The following MEI4 variants were observed in gnomAD, a reference collection of about 807,000 sequenced individuals.
MEI4 encodes meiotic double-stranded break formation protein 4.
MEI4 carries 27 observed loss-of-function variants against 31.4 expected under a neutral mutation model. That is an observed-to-expected ratio of 0.86 (90% CI 0.63 to 1.19). The LOEUF is 1.19. Among genes scored for constraint, MEI4 ranks in the 50% most tolerant of loss-of-function variants. The pLI, the probability that MEI4 is intolerant of heterozygous loss-of-function variation, is 0.00. For missense variants in MEI4, 329 were observed against 398.9 expected, an observed-to-expected ratio of 0.82 and a Z score of 1.49; for synonymous variants, 122 against 145.4, an observed-to-expected ratio of 0.84 and a Z score of 1.16.
intron 4 of MEI4, among the ~76,000 whole-genome samples, chr6:77,896,247 A>AT (rs1205083415): frequency 2.0e-5 from 3 of 152,106 alleles, no homozygotes; most frequent in Non-Finnish European, 4.4e-5. Flanking sequence ...TGTGGCATCT[A>AT]TTTTATCACC....
rs145051064 is a variant in MEI4, at chr6:77,779,891, A to G, written c.768+18226A>G. ...AGAAAATATCTGTGACTCTCTTAACATAACATAGGCATTTGAAATTATTGG... is the reference window on the plus strand; with the variant it reads ...AGAAAATATCTGTGACTCTCTTAACGTAACATAGGCATTTGAAATTATTGG... On this transcript the variant is annotated intron_variant, in intron 3 of 4. Transcript: ENST00000684080. Among the ~76,000 whole-genome samples the G allele has an allele frequency of 1.4e-3, 211 of 152,334 alleles. 1 individual carries two copies. The highest frequency in any genetic ancestry group is 4.5e-3 in the African/African-American group (186 of 41,576).
chr6:77,685,242 C>G (rs1167677008), intron 1 of MEI4, among the ~76,000 whole-genome samples: 1 of 149,944 alleles, frequency 6.7e-6, no homozygotes, highest in African/African-American at 2.4e-5. Flanking sequence ...CTTATATATT[C>G]TGGCTATCAA....
intron 1 of MEI4, among the ~76,000 whole-genome samples, chr6:77,682,968 A>G (rs937269722): frequency 6.6e-6 from 1 of 152,218 alleles, no homozygotes; most frequent in Non-Finnish European, 1.5e-5. Context: ...TTCTCATTCC[A>G]TGGACGATGT....
chr6:77,745,126 C>T (rs530437933), intron 2 of MEI4, among the ~76,000 whole-genome samples: 2 of 152,154 alleles, frequency 1.3e-5, no homozygotes, highest in Non-Finnish European at 2.9e-5. Context: ...ACAATATTAA[C>T]TTTAAATGTA....
In MEI4 at chr6:77,924,563, A is replaced by T. The variant is rs571027692; in HGVS notation, c.*1217A>T. ...TCAAGGATCAGCTGATTTGGACTGG[A>T]CTTGACTTTAATGAAAAGCTCTGCT... On this transcript the variant is annotated 3_prime_UTR_variant, in exon 5 of 5. Transcript: ENST00000684080. The T allele has an allele frequency of 6.6e-6, 1 of 151,950 alleles. No individual in the cohort carries two copies. Among genetic ancestry groups the T allele is most frequent in the African/African-American group, 2.4e-5 (1 of 41,524 alleles). The allele number at this position is 151,950 out of a possible 1,614,324, so 9.4% of individuals were successfully genotyped here. A position where few individuals can be genotyped will look rare whatever the true frequency, so the allele number is the denominator to read the frequency against.
At chr6:77,908,207 C>A (rs371893696) in intron 4 of MEI4, among the ~76,000 whole-genome samples, 47 of 151,938 alleles carry the variant, frequency 3.1e-4, no homozygotes, top group African/African-American at 9.9e-4. Flanking sequence ...GGTGTTTTAG[C>A]CATGAAGTCC....
chr6:77,677,765 G>T (rs1256082486), intron 1 of MEI4, among the ~76,000 whole-genome samples: 2 of 152,118 alleles, frequency 1.3e-5, no homozygotes, highest in African/African-American at 4.8e-5. Flanking sequence ...AAGTTTAGCA[G>T]AAAAATCCTT....
intron 3 of MEI4, among the ~76,000 whole-genome samples, chr6:77,795,307 T>G (rs1769045800): frequency 6.6e-6 from 1 of 152,290 alleles, no homozygotes; most frequent in Admixed American, 6.5e-5. Context: ...TCCTCGCTCA[T>G]GCTTTGTGGA....
chr6:77,891,545 T>G (rs1771768117), intron 4 of MEI4, among the ~76,000 whole-genome samples: 1 of 152,164 alleles, frequency 6.6e-6, no homozygotes, highest in South Asian at 2.1e-4. Context: ...TTTGTGTTGT[T>G]TAACCTTTGC....
At chr6:77,856,800 C>T (rs1404639177) in intron 4 of MEI4, among the ~76,000 whole-genome samples, 1 of 152,178 alleles carries the variant, frequency 6.6e-6, no homozygotes, top group African/African-American at 2.4e-5. Context: ...ATCTTATCCA[C>T]CTACCTAAGC....
At chr6:77,656,557 G>A (rs1355159727) in intron 1 of MEI4, among the ~76,000 whole-genome samples, 9 of 152,036 alleles carry the variant, frequency 5.9e-5, no homozygotes, top group Non-Finnish European at 1.0e-4. Context: ...GTTCCTAAGG[G>A]GAAGGATATC....
chr6:77,689,994 CTG>C lies in MEI4; in HGVS notation c.-14-661_-14-660del, dbSNP rs1359154713. 2.0e-5 allele frequency among the ~76,000 whole-genome samples: 3 copies of C among 152,052 alleles called. No homozygotes were observed. In the East Asian group the frequency reaches 5.8e-4, roughly 29 times the overall value. On this transcript the variant is annotated intron_variant, in intron 1 of 4. Coordinates refer to ENST00000684080, the MANE Select transcript of MEI4 (RefSeq NM_001322247.2). ...CCATAAGTATGTTTATATTTTAAGA[CTG>C]TGACACACTGTTGGTTTGGAAAAGT... is the stretch of plus-strand genomic sequence containing the variant.
chr6:77,844,565 C>A (rs1770435212), intron 4 of MEI4, among the ~76,000 whole-genome samples: 3 of 152,016 alleles, frequency 2.0e-5, no homozygotes, highest in South Asian at 4.1e-4. Context: ...AAATTGAAAT[C>A]TTTTTTGTTA....
rs1188275146 is a variant in MEI4 at position 77,904,114 on chromosome 6, A to AT, written c.901-18968dup. On this transcript the variant is annotated intron_variant, in intron 4 of 4. Transcript: ENST00000684080. ...TTGTTGTTTTCTGGTTATTTTGTAC[A>AT]TTTTTTTCCTTCTTCTCTTACATTC... Among the ~76,000 whole-genome samples the AT allele has an allele frequency of 7.3e-5, 11 of 151,606 alleles. No homozygotes were observed. In the East Asian group the frequency reaches 1.2e-3, roughly 16 times the overall value.
At chr6:77,918,675 C>G (rs1766625314) in intron 4 of MEI4, among the ~76,000 whole-genome samples, 1 of 151,846 alleles carries the variant, frequency 6.6e-6, no homozygotes, top group Non-Finnish European at 1.5e-5. Context: ...TGGGCTGAGA[C>G]AATGGGGTTT....
intron 3 of MEI4, among the ~76,000 whole-genome samples, chr6:77,812,553 A>G (rs1430410654): frequency 6.6e-6 from 1 of 152,108 alleles, no homozygotes; most frequent in Non-Finnish European, 1.5e-5. Context: ...TTGTAGTTAG[A>G]AGAGGAAATT....
chr6:77,726,398 G>T (rs1312708576), intron 2 of MEI4, among the ~76,000 whole-genome samples: 1 of 152,144 alleles, frequency 6.6e-6, no homozygotes, highest in Non-Finnish European at 1.5e-5. Context: ...AAACACCTGA[G>T]ACTGGCAGTG....
chr6:77,737,566 A>G (rs773486114), intron 2 of MEI4, among the ~76,000 whole-genome samples: 1 of 152,206 alleles, frequency 6.6e-6, no homozygotes, highest in African/African-American at 2.4e-5. Context: ...CGACTGGATG[A>G]TATGATAGAA....
chr6:77,751,740 C>G (rs1247722072), intron 2 of MEI4, among the ~76,000 whole-genome samples: 3 of 152,028 alleles, frequency 2.0e-5, no homozygotes, highest in Admixed American at 6.6e-5. Context: ...AATAGAAAAA[C>G]AGGGAATCCT....
Sources: allele counts gnomAD v4.1 joint callset (sites outside exome capture counted in the v4.1 genomes callset), GRCh38; gene constraint gnomAD v4.1.1; transcripts MANE v1.5; gene names NCBI Gene and HGNC (gene_info 2026-07-23, HGNC 2026-07-21).